Variants in EFCAB6 observed in about 807,000 individuals in gnomAD.
EFCAB6 encodes the protein EF-hand calcium binding domain 6.
In EFCAB6, 156 loss-of-function variants were observed where a neutral mutation model predicts 169.8. That is an observed-to-expected ratio of 0.92 (90% CI 0.81 to 1.05). EFCAB6 has a LOEUF of 1.05. Among genes scored for constraint, EFCAB6 ranks in the 50% least tolerant of loss-of-function variants. The pLI, the probability that EFCAB6 is intolerant of heterozygous loss-of-function variation, is 0.00. For synonymous variants in EFCAB6, 698 were observed against 676.4 expected, an observed-to-expected ratio of 1.03 and a Z score of -0.50; for missense variants, 1,800 against 1,829.1, an observed-to-expected ratio of 0.98 and a Z score of 0.29.
At chr22:43,579,918 C>T (rs2050607400) in intron 25 of EFCAB6, among the ~76,000 whole-genome samples, 1 of 152,162 alleles carries the variant, frequency 6.6e-6, no homozygotes, top group Non-Finnish European at 1.5e-5. Context: ...AGGCATCATT[C>T]CCTACACGCA....
intron 17 of EFCAB6, among the ~76,000 whole-genome samples, chr22:43,640,202 A>G (rs2055703243): frequency 6.6e-6 from 1 of 152,168 alleles, no homozygotes; most frequent in Admixed American, 6.5e-5. Context: ...TATCCTGGAC[A>G]TTGTGGAGGT....
At chr22:43,542,468 T>C (rs1206675454) in intron 27 of EFCAB6, among the ~76,000 whole-genome samples, 1 of 152,198 alleles carries the variant, frequency 6.6e-6, no homozygotes, top group East Asian at 1.9e-4. Context: ...TAAGTCCAGC[T>C]ACTCAGGAGG....
At chr22:43,570,757 A>G (rs1010246260) in intron 26 of EFCAB6, among the ~76,000 whole-genome samples, 1 of 151,866 alleles carries the variant, frequency 6.6e-6, no homozygotes, top group Non-Finnish European at 1.5e-5. Context: ...CATGGGACCA[A>G]CTCCTTGCTC....
chr22:43,741,838 G>C (rs1054614058), intron 6 of EFCAB6, among the ~76,000 whole-genome samples: 2 of 152,102 alleles, frequency 1.3e-5, no homozygotes, highest in African/African-American at 4.8e-5. Context: ...TGCCATCTTG[G>C]TTTATTTCTG....
intron 10 of EFCAB6, among the ~76,000 whole-genome samples, chr22:43,694,175 G>C (rs2058496878): frequency 6.6e-6 from 1 of 151,862 alleles, no homozygotes; most frequent in African/African-American, 2.4e-5. Flanking sequence ...TAGATGGTCT[G>C]ATACATATGT....
At chr22:43,737,403 CAT>C (rs1284210635) in intron 6 of EFCAB6, among the ~76,000 whole-genome samples, 1 of 150,962 alleles carries the variant, frequency 6.6e-6, no homozygotes, top group Non-Finnish European at 1.5e-5. Flanking sequence ...CACACACACA[CAT>C]GCACAGATAC....
chr22:43,645,196 C>A (rs919007988), intron 17 of EFCAB6, among the ~76,000 whole-genome samples: 3 of 152,190 alleles, frequency 2.0e-5, no homozygotes, highest in Non-Finnish European at 4.4e-5. Flanking sequence ...ACCTCCCTTC[C>A]CAATAAAAAT....
At position 43,782,172 on chromosome 22, in the gene EFCAB6, A is replaced by G. The variant is rs1408791209; in HGVS notation, c.139+8T>C. ...AGTTAGTGTTCTTATTTGCTCATGA[A>G]TACTTACTTGAAGAAGATCTGAACT... On this transcript the variant is annotated splice_region_variant and intron_variant, in intron 3 of 31. Transcript: ENST00000262726. 6.2e-7 allele frequency: 1 copy of G among 1,610,884 alleles called. No individual in the cohort carries two copies. The highest frequency in any genetic ancestry group is 2.2e-5 in the East Asian group (1 of 44,868).
intron 21 of EFCAB6, among the ~76,000 whole-genome samples, chr22:43,609,874 A>G (rs2053183705): frequency 6.6e-6 from 1 of 152,202 alleles, no homozygotes; most frequent in Admixed American, 6.5e-5. Context: ...AGGGGAACAG[A>G]ATGAGGAGGT....
chr22:43,569,179 A>C (rs970817878), intron 26 of EFCAB6, among the ~76,000 whole-genome samples: 7 of 152,258 alleles, frequency 4.6e-5, no homozygotes, highest in Non-Finnish European at 8.8e-5. Flanking sequence ...GGCCGGACCC[A>C]GGACACATGC....
At chr22:43,534,282 C>G (rs1428656799) in intron 30 of EFCAB6, among the ~76,000 whole-genome samples, 1 of 152,172 alleles carries the variant, frequency 6.6e-6, no homozygotes, top group African/African-American at 2.4e-5. Context: ...TCTCTCTCAC[C>G]TGGCACCATG....
rs371210344 is a variant in EFCAB6 at position 43,540,224 on chromosome 22, C to T, written c.3782G>A (p.Gly1261Glu). ...ATGDSAVAQR[G>E]SSVPDVSEGT... The stretch of plus-strand genomic sequence containing the variant: ...TTCCGAGACGTCAGGGACACTGCTC[C>T]CTCTCTGGGCCACGGCCGAGTCACC... The change falls in exon 28 of 32, where the codon GGG (glycine) becomes GAG (glutamate). Residue 1261 changes from glycine (G) to glutamate (E), a missense_variant. By Grantham distance (98) the Gly-to-Glu change is moderately conservative. Coordinates refer to ENST00000262726, the MANE Select transcript of EFCAB6 (RefSeq NM_022785.4). 17 of 1,614,108 alleles carry T rather than the reference C, an allele frequency of 1.1e-5. No individual in the cohort carries two copies. The highest frequency in any genetic ancestry group is 1.4e-5 in the Non-Finnish European group (16 of 1,180,056).
chr22:43,780,148 T>C (rs5764290), intron 3 of EFCAB6, among the ~76,000 whole-genome samples: 137,740 of 152,174 alleles, frequency 0.91, 62,535 homozygotes, highest in East Asian at 0.99. Context: ...TGCTAAGGTG[T>C]GAGCTTCCTG....
intron 9 of EFCAB6, among the ~76,000 whole-genome samples, chr22:43,716,005 T>A (rs1232265647): frequency 1.3e-5 from 2 of 152,244 alleles, no homozygotes; most frequent in Admixed American, 6.5e-5. Flanking sequence ...TTATCATATG[T>A]TTATACAAAG....
intron 26 of EFCAB6, among the ~76,000 whole-genome samples, chr22:43,575,759 C>T (rs556959288): frequency 6.6e-6 from 1 of 152,082 alleles, no homozygotes; most frequent in Non-Finnish European, 1.5e-5. Context: ...CCATTACTCA[C>T]TAGCTGGGTG....
chr22:43,648,312 G>T (rs1286347639), intron 17 of EFCAB6, among the ~76,000 whole-genome samples: 1 of 152,110 alleles, frequency 6.6e-6, no homozygotes, highest in Non-Finnish European at 1.5e-5. Context: ...CAACCTAGGT[G>T]CCCATCAATG....
intron 5 of EFCAB6, among the ~76,000 whole-genome samples, chr22:43,757,141 G>C (rs537597740): frequency 6.6e-6 from 1 of 152,344 alleles, no homozygotes; most frequent in South Asian, 2.1e-4. Context: ...CCAAGTTAAA[G>C]ATAGGACTGA....
chr22:43,713,580 G>A (rs1348348511), intron 9 of EFCAB6, among the ~76,000 whole-genome samples: 1 of 152,172 alleles, frequency 6.6e-6, no homozygotes, highest in African/African-American at 2.4e-5. Context: ...TGCCCATTGA[G>A]CCTGAGGGGC....
chr22:43,542,315 C>T (rs1399345905), intron 27 of EFCAB6, among the ~76,000 whole-genome samples: 1 of 152,210 alleles, frequency 6.6e-6, no homozygotes, highest in East Asian at 1.9e-4. Flanking sequence ...TGCAGTGGCT[C>T]ACGCCTGTAA....
Sources: allele counts gnomAD v4.1 joint callset (sites outside exome capture counted in the v4.1 genomes callset), GRCh38; gene constraint gnomAD v4.1.1; transcripts MANE v1.5; gene names NCBI Gene and HGNC (gene_info 2026-07-23, HGNC 2026-07-21).